Variants in EPHB2 observed in about 807,000 individuals in gnomAD.
The protein encoded by EPHB2 is ephrin type-B receptor 2.
A neutral mutation model predicts 96.4 loss-of-function variants in EPHB2; 18 were observed. The ratio of observed to expected loss-of-function variants is 0.19; its 90% CI spans 0.13 to 0.28. EPHB2 has a LOEUF of 0.28. Among genes scored for constraint, EPHB2 ranks in the 10% least tolerant of loss-of-function variants. The pLI is 1.00. For missense variants in EPHB2, 989 were observed against 1,355.4 expected (o/e 0.73, Z 4.25); for synonymous variants, 506 against 534.1 (o/e 0.95, Z 0.72).
At position 22,790,757 on chromosome 1, in the gene EPHB2, G is replaced by A. The variant is rs181073369; in HGVS notation, c.811+5681G>A. Among the ~76,000 whole-genome samples, 532 of 152,358 alleles carry A rather than the reference G, an allele frequency of 3.5e-3. 7 individuals carry two copies. The Middle Eastern group carries it at 0.048, about 14-fold the overall frequency. On this transcript the variant is annotated intron_variant, in intron 3 of 15. Coordinates refer to ENST00000374630, the MANE Select transcript of EPHB2 (RefSeq NM_017449.5). The surrounding 1 kb of genome is among the most constrained non-coding windows in gnomAD (Gnocchi z 4.0). ...GAGCATGATTGCTGCGATGCTATCGGACGTAATGGGATTTTTAATATTTAG... is the reference window on the plus strand; with the variant it reads ...GAGCATGATTGCTGCGATGCTATCGAACGTAATGGGATTTTTAATATTTAG...
intron 3 of EPHB2, among the ~76,000 whole-genome samples, chr1:22,785,948 C>T (rs930221967): frequency 7.2e-5 from 11 of 152,210 alleles, no homozygotes; most frequent in African/African-American, 2.4e-4. Flanking sequence ...ATCTGGGATT[C>T]CAAAGCCCAC....
chr1:22,832,958 A>C (rs1645327803), intron 3 of EPHB2, among the ~76,000 whole-genome samples: 1 of 152,172 alleles, frequency 6.6e-6, no homozygotes, highest in Non-Finnish European at 1.5e-5. Flanking sequence ...ACAGACAGGG[A>C]GAATGTTCTG....
chr1:22,809,145 C>T (rs1296837563), intron 3 of EPHB2, among the ~76,000 whole-genome samples: 1 of 152,240 alleles, frequency 6.6e-6, no homozygotes, highest in Admixed American at 6.5e-5. Context: ...CTGGCACCCT[C>T]AGCCCCACTT....
chr1:22,794,359 C>T (rs1644738172), intron 3 of EPHB2, among the ~76,000 whole-genome samples: 1 of 152,142 alleles, frequency 6.6e-6, no homozygotes, highest in East Asian at 1.9e-4. Flanking sequence ...GACGAAGGCT[C>T]GGGAATAAGG....
intron 1 of EPHB2, among the ~76,000 whole-genome samples, chr1:22,744,592 T>C (rs1643943687): frequency 7.1e-6 from 1 of 139,936 alleles, no homozygotes; most frequent in Admixed American, 7.8e-5. Flanking sequence ...GGCAGGAGGA[T>C]CACTTGAACC....
chr1:22,731,347 C>T (rs1008737509), intron 1 of EPHB2, among the ~76,000 whole-genome samples: 1 of 152,034 alleles, frequency 6.6e-6, no homozygotes, highest in Non-Finnish European at 1.5e-5. Context: ...GAGCTGGGGG[C>T]TGCACTGGGG....
intron 2 of EPHB2, among the ~76,000 whole-genome samples, chr1:22,782,685 C>CAGAG (rs1644552340): frequency 6.6e-6 from 1 of 152,104 alleles, no homozygotes; most frequent in African/African-American, 2.4e-5. Context: ...GGGAGAAAGG[C>CAGAG]AGAGTGCTCT....
At chr1:22,900,152 G>T (rs71638868) in intron 9 of EPHB2, among the ~76,000 whole-genome samples, 2,457 of 152,152 alleles carry the variant, frequency 0.016, 28 homozygotes, top group Non-Finnish European at 0.026. Flanking sequence ...AAATTAGCTG[G>T]GTGTGGTGGT....
intron 1 of EPHB2, among the ~76,000 whole-genome samples, chr1:22,741,696 A>AAAAAAAAAAAAAAAAAAAAAAC (rs55743842): frequency 6.6e-5 from 9 of 137,388 alleles, no homozygotes; most frequent in Non-Finnish European, 1.3e-4. Flanking sequence ...AAACAAAAAA[A>AAAAAAAAAAAAAAAAAAAAAAC]CAAAAAACCT....
At chr1:22,725,689 T>TA (rs1216364972) in intron 1 of EPHB2, among the ~76,000 whole-genome samples, 1 of 152,188 alleles carries the variant, frequency 6.6e-6, no homozygotes, top group Non-Finnish European at 1.5e-5. Flanking sequence ...TGAATTTCTG[T>TA]AAAGTAAATC....
rs145661461 is a variant in EPHB2, at chr1:22,885,147, C to T, written c.1428+2664C>T. Among the ~76,000 whole-genome samples, 959 of 152,212 alleles carry T rather than the reference C, an allele frequency of 6.3e-3. 6 individuals carry two copies. The highest frequency in any genetic ancestry group is 7.3e-3 in the Non-Finnish European group (497 of 68,000). On this transcript the variant is annotated intron_variant, in intron 6 of 15. Transcript: ENST00000374630. ...AGGAGTCCTGGGTCACCAAACCAGCCGCTCCCAGGCTCTGCAGGAGCCAGC... is the reference window on the plus strand; with the variant it reads ...AGGAGTCCTGGGTCACCAAACCAGCTGCTCCCAGGCTCTGCAGGAGCCAGC...
intron 3 of EPHB2, among the ~76,000 whole-genome samples, chr1:22,854,675 A>G (rs1464529824): frequency 6.6e-6 from 1 of 152,206 alleles, no homozygotes; most frequent in African/African-American, 2.4e-5. Flanking sequence ...CAAGGAGGCC[A>G]TGGACCAGGG....
chr1:22,731,903 G>A (rs751837811), intron 1 of EPHB2, among the ~76,000 whole-genome samples: 3 of 152,164 alleles, frequency 2.0e-5, no homozygotes, highest in Non-Finnish European at 4.4e-5. Flanking sequence ...AGAAGCCAGG[G>A]CCGGAATGCT....
chr1:22,805,356 C>T (rs528251254), intron 3 of EPHB2, among the ~76,000 whole-genome samples: 6 of 152,142 alleles, frequency 3.9e-5, no homozygotes, highest in African/African-American at 1.2e-4. Context: ...ATAAATTAAA[C>T]GAGGGGCTGC....
intron 5 of EPHB2, among the ~76,000 whole-genome samples, chr1:22,866,660 A>G (rs937786945): frequency 6.6e-6 from 1 of 152,130 alleles, no homozygotes; most frequent in Non-Finnish European, 1.5e-5. Context: ...CTGGCTGGGC[A>G]CAGTGGCTCA....
chr1:22,876,182 G>A (rs1031754951), intron 5 of EPHB2, among the ~76,000 whole-genome samples: 1 of 152,126 alleles, frequency 6.6e-6, no homozygotes, highest in Non-Finnish European at 1.5e-5. Flanking sequence ...CAGCTGTCCT[G>A]TGCCCAGCGA....
chr1:22,792,915 G>A (rs1342429754), intron 3 of EPHB2, among the ~76,000 whole-genome samples: 1 of 152,168 alleles, frequency 6.6e-6, no homozygotes, highest in East Asian at 1.9e-4. Context: ...CCCATCCAGG[G>A]GAGCGTCAGC....
At chr1:22,880,107 C>A (rs72871586) in intron 5 of EPHB2, among the ~76,000 whole-genome samples, 1,765 of 152,176 alleles carry the variant, frequency 0.012, 30 homozygotes, top group African/African-American at 0.041. Flanking sequence ...AGCCTCGAGG[C>A]CTCAGAGATC....
chr1:22,900,988 C>CCCT (rs1639730890), intron 9 of EPHB2, among the ~76,000 whole-genome samples: 1 of 152,160 alleles, frequency 6.6e-6, no homozygotes, highest in Admixed American at 6.5e-5. Flanking sequence ...GAGGGACTGA[C>CCCT]CTGGTTTTCA....
Sources: allele counts gnomAD v4.1 joint callset (sites outside exome capture counted in the v4.1 genomes callset), GRCh38; gene constraint gnomAD v4.1.1; non-coding constraint Gnocchi (gnomAD v3.1); transcripts MANE v1.5; gene names NCBI Gene and HGNC (gene_info 2026-07-23, HGNC 2026-07-21).